The following FDCSP variants were observed in gnomAD, a reference collection of about 807,000 sequenced individuals.
FDCSP encodes follicular dendritic cell secreted protein.
A neutral mutation model predicts 8.9 loss-of-function variants in FDCSP; 8 were observed. The ratio of observed to expected loss-of-function variants is 0.90; its 90% CI spans 0.53 to 1.63. FDCSP has a LOEUF of 1.63. FDCSP is among the 40% of genes most tolerant of loss of function. FDCSP has a pLI of 0.00. For synonymous variants in FDCSP, 34 were observed against 34.5 expected, an observed-to-expected ratio of 0.98 and a Z score of 0.06; for missense variants, 101 against 103.6, an observed-to-expected ratio of 0.98 and a Z score of 0.11.
At position 70,228,541 on chromosome 4, in the gene FDCSP, T is replaced by A. The variant is rs1913497; in HGVS notation, c.-1+2359T>A. 7.3e-3 allele frequency among the ~76,000 whole-genome samples: 1,113 copies of A among 151,896 alleles called. 13 individuals are homozygous for A. Among genetic ancestry groups the A allele is most frequent in the African/African-American group, 0.025 (1,049 of 41,494 alleles). On this transcript the variant is annotated intron_variant, in intron 1 of 4. Transcript: ENST00000317987. ...GGTCTTAATGGCATCTGGAGTGGTG[T>A]ATATTTTACAGAAGGTTTTTAATTT...
rs181627636 is a variant in FDCSP, at chr4:70,232,931, T to A, written c.58-63T>A. The A allele has an allele frequency of 3.1e-4, 393 of 1,282,912 alleles. 7 individuals carry two copies. In the East Asian group the frequency reaches 9.4e-3, roughly 31 times the overall value. 79.5% of individuals were successfully genotyped at this position (1,282,912 alleles called of 1,614,324 possible). A position where few individuals can be genotyped will look rare whatever the true frequency, so the allele number is the denominator to read the frequency against. ...TAGGTAATAGATTGTCATGCATATGTATATATTTATTTGTGTGTTTTCATG... is the reference window on the plus strand; with the variant it reads ...TAGGTAATAGATTGTCATGCATATGAATATATTTATTTGTGTGTTTTCATG... On this transcript the variant is annotated intron_variant, in intron 2 of 4. Transcript: ENST00000317987.
Position 70,234,137 on chromosome 4 carries a change from A to G in FDCSP, c.208A>G (p.Ile70Val), listed in dbSNP as rs776450246. 57 of 1,610,978 alleles carry G rather than the reference A, an allele frequency of 3.5e-5. No individual in the cohort carries two copies. The highest frequency in any genetic ancestry group is 3.3e-4 in the Middle Eastern group (2 of 6,064). The change falls in exon 4 of 5, where the codon ATT becomes GTT. Residue 70 changes from isoleucine to valine, a missense_variant. Transcript: ENST00000317987. ...TCCATGGTTTAGACGTAATTTTCCT[A>G]TTCCAATACCTGAATCTGCCCCTAC... ...RFPWFRRNFP[I>V]PIPESAPTTP...
intron 2 of FDCSP, among the ~76,000 whole-genome samples, chr4:70,231,791 C>T (rs1052750778): frequency 2.0e-5 from 3 of 151,552 alleles, no homozygotes; most frequent in African/African-American, 7.3e-5. Context: ...CCATAAGAAA[C>T]CATTATTGTC....
At chr4:70,233,969 CT>C (rs1730130450) in intron 3 of FDCSP, 50 bp from the exon 4 acceptor site, 1 of 1,506,966 alleles carries the variant, frequency 6.6e-7, no homozygotes, top group Non-Finnish European at 8.9e-7. Flanking sequence ...TGTTTTATTT[CT>C]CTTCTTTGTA....
intron 1 of FDCSP, among the ~76,000 whole-genome samples, chr4:70,227,659 A>T (rs1730010430): frequency 6.6e-6 from 1 of 151,698 alleles, no homozygotes; most frequent in South Asian, 2.1e-4. Flanking sequence ...GGACTTTCCA[A>T]ACTGATATTA....
intron 3 of FDCSP, 130 bp from the exon 4 acceptor site, chr4:70,233,890 G>A (rs973120776): frequency 2.9e-5 from 23 of 788,904 alleles, no homozygotes; most frequent in Middle Eastern, 5.3e-4. Context: ...CACACAGAAA[G>A]GATAAAGGAT....
chr4:70,233,896 AG>A (rs1334954820), intron 3 of FDCSP, 123 bp from the exon 4 acceptor site: 4 of 832,038 alleles, frequency 4.8e-6, no homozygotes, highest in Non-Finnish European at 7.5e-6. Flanking sequence ...GAAAGGATAA[AG>A]GATTTTAGAG....
In FDCSP at chr4:70,234,004, T is replaced by A. The variant is rs760896068; in HGVS notation, c.91-16T>A. On this transcript the variant is annotated splice_polypyrimidine_tract_variant and intron_variant, in intron 3 of 4. Coordinates refer to ENST00000317987, the MANE Select transcript of FDCSP (RefSeq NM_152997.4). ...TAAAAAGTGAAATAAACCCTTTAAC[T>A]TCTTTCTTTCAACAGATCAGTGACA... The A allele has an allele frequency of 6.3e-7, 1 of 1,583,484 alleles. No homozygotes were observed. Among genetic ancestry groups the A allele is most frequent in the African/African-American group, 1.4e-5 (1 of 73,198 alleles).
chr4:70,230,857 C>G (rs1431238736), intron 1 of FDCSP, among the ~76,000 whole-genome samples: 1 of 151,440 alleles, frequency 6.6e-6, no homozygotes, highest in East Asian at 1.9e-4. Flanking sequence ...AAGTGTTATT[C>G]TTTTATTTTT....
intron 1 of FDCSP, among the ~76,000 whole-genome samples, chr4:70,228,226 T>G (rs962833132): frequency 2.6e-5 from 4 of 151,890 alleles, no homozygotes; most frequent in Non-Finnish European, 5.9e-5. Flanking sequence ...TTGAAAAATA[T>G]TCACAGCATC....
Position 70,234,168 on chromosome 4 carries a change from C to A in FDCSP, c.239C>A (p.Pro80His), listed in dbSNP as rs771937929. The A allele has an allele frequency of 2.5e-6, 4 of 1,609,520 alleles. No homozygotes were observed. The highest frequency in any genetic ancestry group is 2.5e-6 in the Non-Finnish European group (3 of 1,177,512). Residue 80 changes from proline (P) to histidine (H), a missense_variant, in exon 4 of 5, where the codon CCC (proline) becomes CAC (histidine). Transcript: ENST00000317987. ...ATACCTGAATCTGCCCCTACAACTC[C>A]CCTTCCTAGCGAAAAGTAAACAAGA... is the stretch of plus-strand genomic sequence containing the variant. ...IPIPESAPTT[P>H]LPSEK
intron 2 of FDCSP, among the ~76,000 whole-genome samples, 194 bp downstream of exon 2, chr4:70,231,445 G>C (rs554612602): frequency 7.3e-5 from 11 of 151,684 alleles, no homozygotes; most frequent in Admixed American, 2.0e-4. Context: ...ACAAGTTCAA[G>C]ACCAGCCTGG....
At chr4:70,231,537 G>A (rs889244762) in intron 2 of FDCSP, among the ~76,000 whole-genome samples, 1 of 151,458 alleles carries the variant, frequency 6.6e-6, no homozygotes, top group South Asian at 2.1e-4. Flanking sequence ...TATGTCATAG[G>A]GCAATGCATT....
chr4:70,234,074 C>T lies in FDCSP; in HGVS notation c.145C>T (p.Pro49Ser), dbSNP rs775215113. ...GTTTTTTGTGTTCCCTTACCCATAT[C>T]CATTTCGCCCACTTCCACCAATTCC... ...SGFFVFPYPY[P>S]FRPLPPIPFP... is the part of the protein sequence containing the mutation. The change falls in exon 4 of 5, where the codon CCA (proline) becomes TCA (serine). Residue 49 changes from proline to serine, a missense_variant. Physicochemically the swap from Pro to Ser is moderately conservative, Grantham distance 74. Coordinates refer to ENST00000317987, the MANE Select transcript of FDCSP (RefSeq NM_152997.4). The T allele has an allele frequency of 2.5e-6, 4 of 1,611,028 alleles. No individual in the cohort carries two copies. The Admixed American group carries it at 5.0e-5, about 20-fold the overall frequency.
chr4:70,234,260 A>T, intron 4 of FDCSP, 45 bp downstream of exon 4: 1 of 1,410,418 alleles, frequency 7.1e-7, no homozygotes, highest in Non-Finnish European at 9.5e-7. Context: ...AAGTTTGCAG[A>T]TTGGAATCCA....
At chr4:70,234,674 G>A (rs1176337128) in intron 4 of FDCSP, among the ~76,000 whole-genome samples, 1 of 151,248 alleles carries the variant, frequency 6.6e-6, no homozygotes, top group African/African-American at 2.4e-5. Context: ...TCACATTATA[G>A]TAAAATTTTA....
At chr4:70,227,745 A>G (rs1208727425) in intron 1 of FDCSP, among the ~76,000 whole-genome samples, 1 of 151,802 alleles carries the variant, frequency 6.6e-6, no homozygotes, top group Non-Finnish European at 1.5e-5. Context: ...TAGGCAGGTC[A>G]AATGAATTTC....
At chr4:70,229,896 A>G (rs1240313672) in intron 1 of FDCSP, among the ~76,000 whole-genome samples, 2 of 151,706 alleles carry the variant, frequency 1.3e-5, no homozygotes, top group African/African-American at 4.8e-5. Flanking sequence ...TGAAAACTTT[A>G]AAATATTGCT....
chr4:70,226,162 G>T lies in FDCSP; in HGVS notation c.-21G>T, dbSNP rs556481447. On this transcript the variant is annotated 5_prime_UTR_variant, in exon 1 of 5. Transcript: ENST00000317987. ...TTCTCATAACAGCGTCAGAGAGAAAGAACTGACTGAAACGTTTGAGGTAAG... is the reference window on the plus strand; with the variant it reads ...TTCTCATAACAGCGTCAGAGAGAAATAACTGACTGAAACGTTTGAGGTAAG... 36 of 151,972 alleles carry T rather than the reference G, an allele frequency of 2.4e-4. No individual in the cohort carries two copies. Among genetic ancestry groups the T allele is most frequent in the African/African-American group, 8.2e-4 (34 of 41,500 alleles). The allele number at this position is 151,972 out of a possible 1,614,324, so 9.4% of individuals were successfully genotyped here.
Sources: allele counts gnomAD v4.1 joint callset (sites outside exome capture counted in the v4.1 genomes callset), GRCh38; gene constraint gnomAD v4.1.1; transcripts MANE v1.5; gene names NCBI Gene and HGNC (gene_info 2026-07-23, HGNC 2026-07-21).